Variants in PIGN observed in about 807,000 individuals in gnomAD.
PIGN encodes the protein phosphatidylinositol glycan anchor biosynthesis class N, also known as GPI ethanolamine phosphate transferase 1.
Under a neutral mutation model 125.4 loss-of-function variants are expected in PIGN, and 117 were observed. The observed-to-expected ratio is 0.93, with a 90% CI of 0.80 to 1.09. The LOEUF is 1.09. Among genes scored for constraint, PIGN ranks in the 50% least tolerant of loss-of-function variants. PIGN has a pLI of 0.00. For missense variants in PIGN, 1,075 were observed against 1,094.9 expected, an observed-to-expected ratio of 0.98 and a Z score of 0.26; for synonymous variants, 392 against 377.8, an observed-to-expected ratio of 1.04 and a Z score of -0.44.
chr18:62,173,965 C>G (rs2037428936), intron 1 of PIGN, among the ~76,000 whole-genome samples: 1 of 152,140 alleles, frequency 6.6e-6, no homozygotes, highest in African/African-American at 2.4e-5. Flanking sequence ...CCTGTAATCT[C>G]AGCACTTTGG....
intron 30 of PIGN, among the ~76,000 whole-genome samples, chr18:62,053,208 C>T (rs2031457591): frequency 6.6e-6 from 1 of 152,004 alleles, no homozygotes; most frequent in South Asian, 2.1e-4. Flanking sequence ...GTAAGGTTTC[C>T]ATATATTACT....
At position 62,102,883 on chromosome 18, in the gene PIGN, C is replaced by T; in HGVS notation, c.1879G>A (p.Val627Ile). 1 of 1,581,572 alleles carries T rather than the reference C, an allele frequency of 6.3e-7. No homozygotes were observed. The highest frequency in any genetic ancestry group is 1.2e-5 in the South Asian group (1 of 85,636). The change falls in exon 21 of 31, where the codon GTT (valine) becomes ATT (isoleucine). Residue 627 changes from valine to isoleucine, a missense_variant. Val to Ile is a conservative substitution (Grantham distance 29). Coordinates refer to ENST00000640252, the MANE Select transcript of PIGN (RefSeq NM_176787.5). ...ACAACACACAGGGATAACAGAAGAACCAGCAAGCCTGCACCCATCCTGTTT... is the reference window on the plus strand; with the variant it reads ...ACAACACACAGGGATAACAGAAGAATCAGCAAGCCTGCACCCATCCTGTTT... The part of the protein sequence containing the change: ...ISLVMGAGLL[V>I]LLLSLCVVTS...
At chr18:62,046,798 T>A (rs998754156) in intron 30 of PIGN, among the ~76,000 whole-genome samples, 1 of 152,174 alleles carries the variant, frequency 6.6e-6, no homozygotes, top group African/African-American at 2.4e-5. Context: ...TTTCAACCTA[T>A]AGCTGGCTGA....
intron 7 of PIGN, chr18:62,153,609 C>A (rs1192027042): frequency 1.3e-5 from 2 of 151,994 alleles, no homozygotes; most frequent in African/African-American, 4.8e-5. Context: ...TTTTCTTACA[C>A]AGATTTTATT....
chr18:62,023,416 T>TA (rs751519024), intron 23 of PIGN, among the ~76,000 whole-genome samples: 17 of 152,334 alleles, frequency 1.1e-4, no homozygotes, highest in Non-Finnish European at 1.8e-4. Flanking sequence ...CAGTCCTTTT[T>TA]ATCAGTGAAT....
chr18:62,147,148 T>C, intron 8 of PIGN, 47 bp from the exon 9 acceptor site: 1 of 1,532,054 alleles, frequency 6.5e-7, no homozygotes, highest in South Asian at 1.3e-5. Flanking sequence ...TTTGGAGAAA[T>C]CAAATTTATT....
intron 23 of PIGN, among the ~76,000 whole-genome samples, chr18:62,028,560 A>G (rs1211986284): frequency 6.6e-6 from 1 of 152,158 alleles, no homozygotes; most frequent in Non-Finnish European, 1.5e-5. Flanking sequence ...GCAAGTTTCT[A>G]CTCCTTCTTG....
intron 6 of PIGN, 139 bp downstream of exon 6, chr18:62,156,990 C>T (rs915404334): frequency 5.8e-6 from 3 of 513,014 alleles, no homozygotes; most frequent in Non-Finnish European, 1.0e-5. Context: ...TGTAATTAAA[C>T]ATCCCTATTT....
At chr18:62,049,001 T>A (rs1024007764) in intron 30 of PIGN, among the ~76,000 whole-genome samples, 3 of 152,018 alleles carry the variant, frequency 2.0e-5, no homozygotes, top group African/African-American at 7.2e-5. Context: ...TGATTTCCAA[T>A]TTCATCCATG....
chr18:62,062,870 T>A (rs1425308525), intron 30 of PIGN, among the ~76,000 whole-genome samples: 1 of 149,404 alleles, frequency 6.7e-6, no homozygotes, highest in Non-Finnish European at 1.5e-5. Flanking sequence ...TGTTTTATGC[T>A]TTTGTATTCT....
At chr18:62,087,734 A>G (rs1193352274) in intron 25 of PIGN, among the ~76,000 whole-genome samples, 2 of 152,198 alleles carry the variant, frequency 1.3e-5, no homozygotes, top group Non-Finnish European at 2.9e-5. Flanking sequence ...AATGCCTCCA[A>G]TACTTACAAG....
chr18:62,159,957 C>T (rs1031287917), intron 4 of PIGN, among the ~76,000 whole-genome samples: 26 of 151,964 alleles, frequency 1.7e-4, no homozygotes, highest in African/African-American at 6.3e-4. Flanking sequence ...ACCAAAAATA[C>T]AAAAAATTAG....
chr18:62,085,113 GA>G (rs1189324711), intron 26 of PIGN, 95 bp downstream of exon 26: 86 of 727,060 alleles, frequency 1.2e-4, no homozygotes, highest in Admixed American at 1.9e-4. Context: ...GTCTCAAAAA[GA>G]AAAAAAAATA....
chr18:62,101,048 C>A (rs754698681), intron 22 of PIGN, 27 bp downstream of exon 22: 35 of 1,175,330 alleles, frequency 3.0e-5, no homozygotes, highest in African/African-American at 1.9e-4. Context: ...TGTCAAATTA[C>A]CTCACCTGGT....
chr18:62,153,702 T>C (rs895387737), intron 7 of PIGN: 2 of 151,924 alleles, frequency 1.3e-5, no homozygotes, highest in African/African-American at 4.8e-5. Context: ...TGGAAAAAAA[T>C]AGGGTTTAGC....
chr18:62,113,311 G>A lies in PIGN; in HGVS notation c.1257C>T (p.Ser419=), dbSNP rs1435651472. 2 of 1,585,138 alleles carry A rather than the reference G, an allele frequency of 1.3e-6. No individual in the cohort carries two copies. The highest frequency in any genetic ancestry group is 1.2e-5 in the South Asian group (1 of 84,314). The part of the protein sequence containing the change: ...IKHRKFDEVV[S]LCKELIHLAL... The stretch of plus-strand genomic sequence containing the variant: ...CAAGATGAATTAGCTCCTTGCAAAG[G>A]GAGACCTATGGAGAAAAAACATATA... Residue 419 remains serine, a synonymous_variant, in exon 16 of 31, where the codon TCC becomes TCT. Coordinates refer to ENST00000640252, the MANE Select transcript of PIGN (RefSeq NM_176787.5).
intron 1 of PIGN, among the ~76,000 whole-genome samples, chr18:62,185,454 C>G (rs2037882860): frequency 6.6e-6 from 1 of 151,844 alleles, no homozygotes; most frequent in Admixed American, 6.6e-5. Context: ...TTTAAAAACC[C>G]AAATCCCCAT....
At position 62,183,463 on chromosome 18, in the gene PIGN, A is replaced by C. The variant is rs141155319; in HGVS notation, c.-236+3381T>G. ...CTGCTATAAGACCTTTGTAGGCTCA[A>C]TTCCTCTCTGCAGAATGTACTTGCA... On this transcript the variant is annotated intron_variant, in intron 1 of 30. Coordinates refer to ENST00000640252, the MANE Select transcript of PIGN (RefSeq NM_176787.5). Among the ~76,000 whole-genome samples, 96 of 152,256 alleles carry C rather than the reference A, an allele frequency of 6.3e-4. 2 individuals carry two copies. The East Asian group carries it at 0.018, about 28-fold the overall frequency.
chr18:62,171,596 T>C (rs1422136314), intron 1 of PIGN, among the ~76,000 whole-genome samples: 1 of 152,186 alleles, frequency 6.6e-6, no homozygotes, highest in Non-Finnish European at 1.5e-5. Flanking sequence ...TTCCCTCTAG[T>C]AGGCTGAGGA....
Sources: gnomAD v4.1 joint callset for allele counts (sites outside exome capture counted in the v4.1 genomes callset) on GRCh38, gnomAD v4.1.1 for gene constraint, MANE v1.5 for transcripts, NCBI Gene and HGNC (gene_info 2026-07-23, HGNC 2026-07-21) for gene names.